Variants in IQCM observed in about 807,000 individuals in gnomAD.
The protein encoded by IQCM is IQ domain-containing protein M.
IQCM carries 45 observed loss-of-function variants against 57.6 expected under a neutral mutation model. The ratio of observed to expected loss-of-function variants is 0.78; its 90% CI spans 0.62 to 1.00. The LOEUF (loss-of-function observed/expected upper bound fraction) is 1.00. Ranked by LOEUF, IQCM falls within the 50% of genes least tolerant of loss-of-function variation. IQCM has a pLI of 0.00. For synonymous variants in IQCM, 148 were observed against 158.9 expected (o/e 0.93, Z 0.51); for missense variants, 468 against 511.6 (o/e 0.91, Z 0.82).
chr4:149,414,223 C>G (rs1263636077), intron 13 of IQCM, among the ~76,000 whole-genome samples: 2 of 152,180 alleles, frequency 1.3e-5, no homozygotes, highest in African/African-American at 4.8e-5. Context: ...GAATTCTCCT[C>G]TCTTCATCCA....
chr4:149,667,921 A>G (rs975666075), intron 7 of IQCM, among the ~76,000 whole-genome samples: 1 of 152,090 alleles, frequency 6.6e-6, no homozygotes, highest in Non-Finnish European at 1.5e-5. Context: ...GAAATATGGC[A>G]CTATGTGAAA....
At chr4:149,554,997 C>G (rs2149913303) in intron 10 of IQCM, among the ~76,000 whole-genome samples, 1 of 152,264 alleles carries the variant, frequency 6.6e-6, no homozygotes, top group African/African-American at 2.4e-5. Flanking sequence ...CTGCACCCGG[C>G]CCATATTACA....
At chr4:149,357,902 A>T (rs530844882) in intron 13 of IQCM, among the ~76,000 whole-genome samples, 10 of 152,276 alleles carry the variant, frequency 6.6e-5, no homozygotes, top group African/African-American at 2.2e-4. Context: ...GTAAGCTATT[A>T]ATTATTGCCT....
chr4:149,485,131 T>G (rs1741329614), intron 12 of IQCM, among the ~76,000 whole-genome samples: 1 of 152,126 alleles, frequency 6.6e-6, no homozygotes, highest in Non-Finnish European at 1.5e-5. Context: ...TTGATACTTT[T>G]GGGATCCTTT....
chr4:149,705,588 T>C (rs1160787571), intron 5 of IQCM, among the ~76,000 whole-genome samples: 1 of 151,810 alleles, frequency 6.6e-6, no homozygotes, highest in Non-Finnish European at 1.5e-5. Context: ...ATTTAAGATA[T>C]CAATAGGCAA....
intron 13 of IQCM, among the ~76,000 whole-genome samples, chr4:149,389,418 T>C (rs1288076016): frequency 1.3e-5 from 2 of 151,950 alleles, no homozygotes; most frequent in East Asian, 1.9e-4. Flanking sequence ...CGTATGTTTA[T>C]TGCGGCATTA....
chr4:149,446,032 T>A (rs1736469941), intron 12 of IQCM, among the ~76,000 whole-genome samples: 1 of 151,852 alleles, frequency 6.6e-6, no homozygotes, highest in South Asian at 2.1e-4. Context: ...GACATTATTT[T>A]ATCTTACTTT....
intron 5 of IQCM, among the ~76,000 whole-genome samples, chr4:149,696,580 T>A (rs1305951816): frequency 1.3e-5 from 2 of 152,198 alleles, no homozygotes; most frequent in African/African-American, 4.8e-5. Flanking sequence ...GACTTATGTA[T>A]GCATTAATTC....
At chr4:149,427,779 T>A (rs2111244995) in intron 13 of IQCM, among the ~76,000 whole-genome samples, 1 of 152,036 alleles carries the variant, frequency 6.6e-6, no homozygotes. Context: ...CACATTCACA[T>A]CCATTTGCAA....
intron 12 of IQCM, among the ~76,000 whole-genome samples, chr4:149,512,894 A>T (rs1365019949): frequency 6.6e-6 from 1 of 152,148 alleles, no homozygotes; most frequent in Admixed American, 6.5e-5. Flanking sequence ...ACAAAGAGGG[A>T]TTTAATCTAA....
chr4:149,411,525 T>C (rs1323529500), intron 13 of IQCM, among the ~76,000 whole-genome samples: 1 of 152,114 alleles, frequency 6.6e-6, no homozygotes, highest in Non-Finnish European at 1.5e-5. Context: ...CTGAAATAAA[T>C]AAATCACTTT....
chr4:149,613,202 T>G (rs562604602), intron 8 of IQCM, among the ~76,000 whole-genome samples: 47 of 151,958 alleles, frequency 3.1e-4, no homozygotes, highest in Middle Eastern at 6.8e-3. Context: ...CTCAAATGTT[T>G]TGGAGGAGAG....
intron 8 of IQCM, among the ~76,000 whole-genome samples, chr4:149,606,715 A>G (rs1201907237): frequency 3.9e-5 from 6 of 152,182 alleles, no homozygotes; most frequent in Admixed American, 3.9e-4. Flanking sequence ...CAAAGAGATT[A>G]AAATAATTTT....
chr4:149,433,017 G>T (rs1193480064), intron 13 of IQCM, among the ~76,000 whole-genome samples: 2 of 151,954 alleles, frequency 1.3e-5, no homozygotes, highest in African/African-American at 4.8e-5. Context: ...TCATATCTCT[G>T]CAGTTGGTGG....
intron 7 of IQCM, among the ~76,000 whole-genome samples, chr4:149,665,453 C>T (rs745548405): frequency 3.9e-5 from 6 of 152,194 alleles, no homozygotes; most frequent in Non-Finnish European, 7.3e-5. Flanking sequence ...GGGTGACTCA[C>T]TCACCTTTCT....
At chr4:149,420,804 A>C (rs559272424) in intron 13 of IQCM, among the ~76,000 whole-genome samples, 1 of 152,054 alleles carries the variant, frequency 6.6e-6, no homozygotes, top group Non-Finnish European at 1.5e-5. Flanking sequence ...TTGACTTCCA[A>C]TGATAAAAAT....
intron 9 of IQCM, among the ~76,000 whole-genome samples, chr4:149,569,150 G>T (rs767363199): frequency 9.2e-5 from 14 of 152,190 alleles, no homozygotes; most frequent in Non-Finnish European, 1.9e-4. Flanking sequence ...CCCAGGTCTG[G>T]ACCAGATCAT....
intron 9 of IQCM, among the ~76,000 whole-genome samples, chr4:149,579,266 T>G (rs1178314827): frequency 6.6e-6 from 1 of 151,794 alleles, no homozygotes; most frequent in African/African-American, 2.4e-5. Flanking sequence ...TGGAATTATG[T>G]GTATCCCATG....
At chr4:149,515,549 C>T (rs1187237769) in intron 12 of IQCM, among the ~76,000 whole-genome samples, 1 of 152,174 alleles carries the variant, frequency 6.6e-6, no homozygotes, top group Non-Finnish European at 1.5e-5. Flanking sequence ...AAGACTAGGG[C>T]CTGGTTCACA....
Sources: gnomAD v4.1 joint callset for allele counts (sites outside exome capture counted in the v4.1 genomes callset) on GRCh38, gnomAD v4.1.1 for gene constraint, MANE v1.5 for transcripts, NCBI Gene and HGNC (gene_info 2026-07-23, HGNC 2026-07-21) for gene names.